Variants in PDE1A observed in about 807,000 individuals in gnomAD.
The protein encoded by PDE1A is dual specificity calcium/calmodulin-dependent 3',5'-cyclic nucleotide phosphodiesterase 1A.
PDE1A carries 35 observed loss-of-function variants against 61.7 expected under a neutral mutation model. That is an observed-to-expected ratio of 0.57 (90% confidence interval 0.43 to 0.75). The LOEUF is 0.75. Ranked by LOEUF, PDE1A falls within the 30% of genes least tolerant of loss-of-function variation. The pLI is 0.00. For missense variants in PDE1A, 597 were observed against 630.6 expected (o/e 0.95, Z 0.57); for synonymous variants, 232 against 213.2 (o/e 1.09, Z -0.77).
upstream of PDE1A, among the ~76,000 whole-genome samples, chr2:182,429,836 C>T (rs746340670): frequency 2.0e-5 from 3 of 152,114 alleles, no homozygotes; most frequent in Non-Finnish European, 4.4e-5. Flanking sequence ...AGTGCCAAAG[C>T]ATGCAATGGC....
chr2:182,401,766 T>C (rs184234464), intron 1 of PDE1A, among the ~76,000 whole-genome samples: 49 of 152,286 alleles, frequency 3.2e-4, no homozygotes, highest in African/African-American at 1.1e-3. Context: ...TGACTGTATA[T>C]TTAGAAAACC....
chr2:182,185,972 A>G, exon 13 of PDE1A: 2 of 1,614,060 alleles, frequency 1.2e-6, no homozygotes, highest in Non-Finnish European at 1.7e-6. Flanking sequence ...CTTCAGGTCC[A>G]CTGCTGCAAG....
At chr2:182,224,102 T>C in intron 6 of PDE1A, 138 bp from the exon 7 acceptor site, 1 of 593,670 alleles carries the variant, frequency 1.7e-6, no homozygotes, top group Non-Finnish European at 2.9e-6. Context: ...GTTTCCTATT[T>C]TACCTCCACT....
the PDE1A span, among the ~76,000 whole-genome samples, chr2:182,636,228 G>A: frequency 1.3e-5 from 2 of 152,030 alleles, no homozygotes; most frequent in Admixed American, 6.6e-5. Flanking sequence ...AAAGTGCTGG[G>A]ATTACAGGCG....
chr2:182,435,151 TCAA>T (rs1281240255), intron 2 of PDE1A, among the ~76,000 whole-genome samples: 7 of 151,946 alleles, frequency 4.6e-5, no homozygotes, highest in South Asian at 2.1e-4. Context: ...GAAAACATCA[TCAA>T]CAACAACAAC....
At chr2:182,148,037 G>T (rs1476208378) in intron 13 of PDE1A, among the ~76,000 whole-genome samples, 1 of 152,130 alleles carries the variant, frequency 6.6e-6, no homozygotes, top group Non-Finnish European at 1.5e-5. Context: ...AAACAATTTT[G>T]TCTTTACGAT....
At chr2:182,552,082 A>G in the PDE1A span, among the ~76,000 whole-genome samples, 2 of 152,130 alleles carry the variant, frequency 1.3e-5, no homozygotes, top group Non-Finnish European at 2.9e-5. Flanking sequence ...GAAACCTTTA[A>G]AAAATATTTT....
At chr2:182,193,034 C>CTGGA (rs1272555044) in intron 10 of PDE1A, among the ~76,000 whole-genome samples, 4 of 152,018 alleles carry the variant, frequency 2.6e-5, no homozygotes, top group Non-Finnish European at 5.9e-5. Context: ...GTCGCCCAGG[C>CTGGA]TGGAGTGCAG....
chr2:182,528,778 T>A, the PDE1A span, among the ~76,000 whole-genome samples: 1 of 152,164 alleles, frequency 6.6e-6, no homozygotes, highest in Non-Finnish European at 1.5e-5. Context: ...CAGCCATGGC[T>A]AAAAGGGGCC....
the PDE1A span, among the ~76,000 whole-genome samples, chr2:182,696,864 T>C: frequency 6.6e-6 from 1 of 152,252 alleles, no homozygotes; most frequent in Non-Finnish European, 1.5e-5. Flanking sequence ...CATTAGGTCA[T>C]AAAGTCTAAT....
intron 2 of PDE1A, among the ~76,000 whole-genome samples, chr2:182,456,830 A>C (rs1049167782): frequency 2.6e-5 from 4 of 152,146 alleles, no homozygotes; most frequent in Admixed American, 2.6e-4. Flanking sequence ...AAATCAAATT[A>C]GTCTCTATGC....
At chr2:182,701,180 G>A in the PDE1A span, among the ~76,000 whole-genome samples, 65 of 140,022 alleles carry the variant, frequency 4.6e-4, no homozygotes, top group Middle Eastern at 3.6e-3. Context: ...GACTACAGTC[G>A]CCTGCCACCA....
At chr2:182,674,759 A>T in the PDE1A span, among the ~76,000 whole-genome samples, 5 of 152,124 alleles carry the variant, frequency 3.3e-5, no homozygotes, top group East Asian at 9.6e-4. Context: ...GTTCAAGAGG[A>T]ATACTTTCTA....
At chr2:182,240,153 G>A (rs770985972) in exon 3 of PDE1A, 3 of 1,613,738 alleles carry the variant, frequency 1.9e-6, no homozygotes, top group African/African-American at 2.7e-5. Flanking sequence ...ACAATGCTCC[G>A]AAATTTTGGT....
chr2:182,636,728 C>A, the PDE1A span, among the ~76,000 whole-genome samples: 1 of 152,152 alleles, frequency 6.6e-6, no homozygotes, highest in Non-Finnish European at 1.5e-5. Flanking sequence ...GTCGGTCAGA[C>A]CCTGCTTAGA....
At chr2:182,197,229 T>C (rs1686206577) in intron 10 of PDE1A, among the ~76,000 whole-genome samples, 4 of 151,928 alleles carry the variant, frequency 2.6e-5, no homozygotes. Context: ...TTTCCTTTTA[T>C]AAAATATCCA....
At position 182,502,736 on chromosome 2, in the gene PDE1A, T is replaced by C. The variant is rs147616867; in HGVS notation, c.101+19540A>G. Among the ~76,000 whole-genome samples the C allele has an allele frequency of 3.6e-3, 553 of 152,284 alleles. 1 individual carries two copies. The highest frequency in any genetic ancestry group is 0.013 in the African/African-American group (524 of 41,548). On this transcript the variant is annotated intron_variant, in intron 2 of 14. Transcript: ENST00000410103. Reference sequence around the variant, plus strand: ...CCCTAAAAATCAGACTTTTTTCATTTGGCAGCAAAACTTGGCCAGACCTGA... The same window carrying C: ...CCCTAAAAATCAGACTTTTTTCATTCGGCAGCAAAACTTGGCCAGACCTGA...
exon 15 of PDE1A, chr2:182,140,770 T>G (rs1277677968): frequency 6.6e-6 from 1 of 152,096 alleles, no homozygotes; most frequent in East Asian, 1.9e-4. Flanking sequence ...ACCTCCACTC[T>G]GACTTTCTAC....
chr2:182,194,041 T>C (rs1685932312), intron 10 of PDE1A, among the ~76,000 whole-genome samples: 1 of 152,162 alleles, frequency 6.6e-6, no homozygotes. Flanking sequence ...CTGTATACAA[T>C]TCAAGGTAAA....
Sources: allele counts gnomAD v4.1 joint callset (sites outside exome capture counted in the v4.1 genomes callset), GRCh38; gene constraint gnomAD v4.1.1; transcripts MANE v1.5; gene names NCBI Gene and HGNC (gene_info 2026-07-23, HGNC 2026-07-21).